MSH3: variants seen among roughly 807,000 people sequenced by gnomAD.
MSH3 encodes DNA mismatch repair protein Msh3.
In MSH3, 106 loss-of-function variants were observed where a neutral mutation model predicts 123.3. That is an observed-to-expected ratio of 0.86 (90% CI 0.73 to 1.01). MSH3 has a LOEUF of 1.01. MSH3 is among the 50% of genes least tolerant of loss of function. The pLI, the probability that MSH3 is intolerant of heterozygous loss-of-function variation, is 0.00. For synonymous variants in MSH3, 515 were observed against 481.4 expected (o/e 1.07, Z -0.91); for missense variants, 1,459 against 1,347.6 (o/e 1.08, Z -1.29).
chr5:80,851,783 C>CT (rs1447717439), intron 20 of MSH3, among the ~76,000 whole-genome samples: 1 of 152,138 alleles, frequency 6.6e-6, no homozygotes, highest in Non-Finnish European at 1.5e-5. Flanking sequence ...AGGGACACAT[C>CT]TTTGTTTTTT....
At chr5:80,765,424 C>T (rs957123559) in intron 13 of MSH3, among the ~76,000 whole-genome samples, 7 of 152,112 alleles carry the variant, frequency 4.6e-5, no homozygotes, top group Non-Finnish European at 1.0e-4. Context: ...GAAAAGTTGC[C>T]TCATGATACA....
chr5:80,743,146 C>T (rs28059), intron 11 of MSH3, among the ~76,000 whole-genome samples: 34,164 of 151,942 alleles, frequency 0.22, 4,038 homozygotes, highest in Non-Finnish European at 0.27. Context: ...TAATAGGACA[C>T]GTATCTGTCC....
chr5:80,658,416 A>G (rs540939429), intron 2 of MSH3, among the ~76,000 whole-genome samples: 1 of 152,346 alleles, frequency 6.6e-6, no homozygotes, highest in East Asian at 1.9e-4. Flanking sequence ...ATTGATGATT[A>G]TCACAGTTAA....
At chr5:80,665,497 T>A in intron 3 of MSH3, 134 bp downstream of exon 3, 1 of 698,810 alleles carries the variant, frequency 1.4e-6, no homozygotes, top group Non-Finnish European at 2.4e-6. Flanking sequence ...AGGGAGCTTT[T>A]GTGTTTTAGT....
intron 15 of MSH3, among the ~76,000 whole-genome samples, chr5:80,773,628 C>G (rs1744249764): frequency 6.6e-6 from 1 of 152,108 alleles, no homozygotes. Context: ...AAGGTACGTG[C>G]ATATAATAAA....
chr5:80,721,564 TCTC>T (rs1268216661), intron 8 of MSH3, among the ~76,000 whole-genome samples: 1 of 152,224 alleles, frequency 6.6e-6, no homozygotes, highest in African/African-American at 2.4e-5. Context: ...GTCTGCTTCT[TCTC>T]ACATGGTTGC....
chr5:80,690,110 G>A (rs1750193805), intron 8 of MSH3, among the ~76,000 whole-genome samples: 1 of 152,058 alleles, frequency 6.6e-6, no homozygotes, highest in Non-Finnish European at 1.5e-5. Context: ...GTAGAGATGG[G>A]TTCTGGCTAT....
chr5:80,671,534 A>G (rs1293657077), intron 4 of MSH3, among the ~76,000 whole-genome samples: 1 of 152,218 alleles, frequency 6.6e-6, no homozygotes, highest in Non-Finnish European at 1.5e-5. Context: ...CCCTAGGCGA[A>G]GGAGAGAAAC....
chr5:80,776,928 A>ATATTTTT (rs71640414), intron 16 of MSH3, among the ~76,000 whole-genome samples: 2 of 139,412 alleles, frequency 1.4e-5, no homozygotes, highest in African/African-American at 2.7e-5. Flanking sequence ...ATATATATAT[A>ATATTTTT]TTTTTTTTTT....
chr5:80,673,001 A>C (rs1749757648), intron 6 of MSH3, 143 bp downstream of exon 6: 2 of 724,446 alleles, frequency 2.8e-6, no homozygotes, highest in South Asian at 2.9e-5. Flanking sequence ...ACCCTTGATT[A>C]GGTGTGCTAT....
At chr5:80,756,695 C>T (rs1453270945) in intron 12 of MSH3, among the ~76,000 whole-genome samples, 1 of 152,114 alleles carries the variant, frequency 6.6e-6, no homozygotes, top group Non-Finnish European at 1.5e-5. Context: ...TTTTACTATT[C>T]ATCACTAGAG....
chr5:80,713,136 A>G (rs964244943), intron 8 of MSH3, among the ~76,000 whole-genome samples: 19 of 152,136 alleles, frequency 1.2e-4, no homozygotes, highest in Non-Finnish European at 1.8e-4. Context: ...AGATCATGCA[A>G]TTGGTAAGCT....
rs149980145 is a variant in MSH3 at position 80,762,149 on chromosome 5, T to C, written c.1896+471T>C. ...GAAGGTGAGTAAAGGATTATTTTGA[T>C]TTTTATCACTTAAGCTTTACAGTTT... On this transcript the variant is annotated intron_variant, in intron 13 of 23. Transcript: ENST00000265081. 6.6e-3 allele frequency among the ~76,000 whole-genome samples: 1,002 copies of C among 152,252 alleles called. 10 individuals are homozygous for C. The highest frequency in any genetic ancestry group is 0.043 in the South Asian group (208 of 4,826).
intron 20 of MSH3, among the ~76,000 whole-genome samples, chr5:80,830,956 C>T (rs1393761234): frequency 6.6e-6 from 1 of 152,064 alleles, no homozygotes; most frequent in African/African-American, 2.4e-5. Context: ...GATCTTATTG[C>T]AATCATTAGA....
intron 17 of MSH3, among the ~76,000 whole-genome samples, chr5:80,779,195 G>T (rs550438762): frequency 1.3e-5 from 2 of 152,034 alleles, no homozygotes; most frequent in African/African-American, 2.4e-5. Context: ...ATTTCGCCAT[G>T]TTGGCCAGGC....
At chr5:80,856,390 T>C (rs1745919770) in intron 21 of MSH3, among the ~76,000 whole-genome samples, 1 of 152,044 alleles carries the variant, frequency 6.6e-6, no homozygotes, top group Admixed American at 6.5e-5. Context: ...GATGAGTTCA[T>C]GTCCTTTATA....
chr5:80,752,515 TTAA>T (rs1438584088), intron 12 of MSH3, among the ~76,000 whole-genome samples: 1 of 151,832 alleles, frequency 6.6e-6, no homozygotes, highest in Non-Finnish European at 1.5e-5. Flanking sequence ...AGTTTTGGAG[TTAA>T]TGATACTTCA....
At chr5:80,689,065 G>T (rs901361385) in intron 8 of MSH3, among the ~76,000 whole-genome samples, 7 of 152,206 alleles carry the variant, frequency 4.6e-5, no homozygotes, top group African/African-American at 1.7e-4. Flanking sequence ...TAGAAAGAGG[G>T]CATTCCAGGA....
chr5:80,825,174 A>C (rs1241408115), intron 20 of MSH3, among the ~76,000 whole-genome samples: 1 of 152,194 alleles, frequency 6.6e-6, no homozygotes, highest in Non-Finnish European at 1.5e-5. Context: ...AAACACTACA[A>C]TACAATCGAA....
Sources: allele counts gnomAD v4.1 joint callset (sites outside exome capture counted in the v4.1 genomes callset), GRCh38; gene constraint gnomAD v4.1.1; transcripts MANE v1.5; gene names NCBI Gene and HGNC (gene_info 2026-07-23, HGNC 2026-07-21).